Variants in DPYD observed in about 807,000 individuals in gnomAD.
The protein encoded by DPYD is dihydropyrimidine dehydrogenase [NADP(+)].
Under a neutral mutation model 116.2 loss-of-function variants are expected in DPYD, and 109 were observed. The ratio of observed to expected loss-of-function variants is 0.94; its 90% CI spans 0.80 to 1.10. The LOEUF (loss-of-function observed/expected upper bound fraction) is 1.10, where lower values mean the gene tolerates loss of function less well. Among genes scored for constraint, DPYD ranks in the 50% least tolerant of loss-of-function variants. DPYD has a pLI of 0.00. For missense variants in DPYD, 1,302 were observed against 1,254.5 expected (o/e 1.04, Z -0.57); for synonymous variants, 440 against 432.0 (o/e 1.02, Z -0.23).
At chr1:97,452,989 A>G (rs867848633) in intron 13 of DPYD, among the ~76,000 whole-genome samples, 1 of 152,124 alleles carries the variant, frequency 6.6e-6, no homozygotes, top group South Asian at 2.1e-4. Context: ...CTGCTAGTCC[A>G]TTTGTCTAGA....
intron 13 of DPYD, among the ~76,000 whole-genome samples, chr1:97,467,610 C>T (rs1002717258): frequency 5.3e-5 from 8 of 152,194 alleles, no homozygotes; most frequent in Admixed American, 2.0e-4. Context: ...ATGCTTCACT[C>T]TCTCTCGCTG....
chr1:97,216,972 C>T (rs1455210788), intron 19 of DPYD, among the ~76,000 whole-genome samples: 1 of 152,038 alleles, frequency 6.6e-6, no homozygotes, highest in Non-Finnish European at 1.5e-5. Flanking sequence ...CTTTGGGAGG[C>T]CGAGGTGAGT....
intron 3 of DPYD, among the ~76,000 whole-genome samples, chr1:97,781,732 T>A (rs1422642558): frequency 2.0e-5 from 3 of 152,210 alleles, no homozygotes; most frequent in Non-Finnish European, 4.4e-5. Context: ...TATTTACCTA[T>A]CTTCTAAAGA....
intron 5 of DPYD, among the ~76,000 whole-genome samples, chr1:97,717,063 G>C (rs1662656362): frequency 6.6e-6 from 1 of 151,960 alleles, no homozygotes; most frequent in Admixed American, 6.6e-5. Flanking sequence ...TCAAGCATTT[G>C]TCATTTATTT....
chr1:97,282,265 G>A (rs1479873222), intron 18 of DPYD, among the ~76,000 whole-genome samples: 1 of 151,950 alleles, frequency 6.6e-6, no homozygotes, highest in Non-Finnish European at 1.5e-5. Context: ...TATGAACACT[G>A]TTTCATATTC....
intron 20 of DPYD, among the ~76,000 whole-genome samples, chr1:97,124,286 G>C (rs1652668275): frequency 6.6e-6 from 1 of 151,892 alleles, no homozygotes; most frequent in South Asian, 2.1e-4. Context: ...ACAGATTTTA[G>C]TCCCTAATAA....
intron 13 of DPYD, among the ~76,000 whole-genome samples, chr1:97,511,703 G>T (rs1647814446): frequency 6.6e-6 from 1 of 151,882 alleles, no homozygotes; most frequent in Admixed American, 6.6e-5. Flanking sequence ...TTGCCTTAAA[G>T]ATGTAGTATA....
chr1:97,608,776 T>A (rs1655757517), intron 8 of DPYD, among the ~76,000 whole-genome samples: 1 of 151,828 alleles, frequency 6.6e-6, no homozygotes, highest in African/African-American at 2.4e-5. Context: ...AATACACATA[T>A]AAATGTATAT....
At chr1:97,081,337 A>T (rs1649133824) in intron 22 of DPYD, among the ~76,000 whole-genome samples, 1 of 152,046 alleles carries the variant, frequency 6.6e-6, no homozygotes, top group Non-Finnish European at 1.5e-5. Flanking sequence ...GAAAAATATA[A>T]TAAAAACAAT....
intron 3 of DPYD, among the ~76,000 whole-genome samples, chr1:97,808,079 T>C (rs975955286): frequency 3.3e-5 from 5 of 152,112 alleles, no homozygotes; most frequent in Admixed American, 2.6e-4. Context: ...TCCTTCAATA[T>C]ATGTTAGTTA....
At chr1:97,361,326 A>G (rs1670713409) in intron 16 of DPYD, among the ~76,000 whole-genome samples, 2 of 152,158 alleles carry the variant, frequency 1.3e-5, no homozygotes, top group Admixed American at 6.5e-5. Flanking sequence ...CCTACCAACC[A>G]AAAAAAGTCC....
At chr1:97,641,671 TC>T (rs1657914036) in intron 8 of DPYD, among the ~76,000 whole-genome samples, 4 of 152,248 alleles carry the variant, frequency 2.6e-5, no homozygotes, top group African/African-American at 7.2e-5. Context: ...CTGGAACCAT[TC>T]CCTTTGAAAA....
chr1:97,445,224 T>A (rs1215311642), intron 14 of DPYD, among the ~76,000 whole-genome samples: 1 of 152,192 alleles, frequency 6.6e-6, no homozygotes, highest in East Asian at 1.9e-4. Context: ...TTTCTCCTAA[T>A]AAGGGACTAC....
chr1:97,156,038 T>C (rs1156459764), intron 20 of DPYD, among the ~76,000 whole-genome samples: 1 of 152,200 alleles, frequency 6.6e-6, no homozygotes, highest in Non-Finnish European at 1.5e-5. Flanking sequence ...GGGTACCATG[T>C]TGTGAGTAGC....
intron 20 of DPYD, among the ~76,000 whole-genome samples, chr1:97,149,296 C>A (rs556209293): frequency 6.6e-6 from 1 of 152,102 alleles, no homozygotes; most frequent in African/African-American, 2.4e-5. Flanking sequence ...CTGTCACCCA[C>A]GCTGGAGTGC....
chr1:97,698,998 G>C (rs1661449481), intron 6 of DPYD, among the ~76,000 whole-genome samples: 1 of 151,830 alleles, frequency 6.6e-6, no homozygotes, highest in Non-Finnish European at 1.5e-5. Flanking sequence ...ATGGATCTAG[G>C]TTTTCCACAT....
intron 7 of DPYD, among the ~76,000 whole-genome samples, chr1:97,682,222 T>C (rs930538378): frequency 6.6e-6 from 1 of 151,994 alleles, no homozygotes; most frequent in Non-Finnish European, 1.5e-5. Flanking sequence ...CTTTCATGTA[T>C]GGAAAGCTGC....
intron 1 of DPYD, among the ~76,000 whole-genome samples, chr1:97,901,740 G>A (rs1673379980): frequency 6.6e-6 from 1 of 151,740 alleles, no homozygotes; most frequent in South Asian, 2.1e-4. Flanking sequence ...AACTGACAGT[G>A]AAATACAGCA....
At chr1:97,458,643 T>C (rs1362527640) in intron 13 of DPYD, among the ~76,000 whole-genome samples, 1 of 152,148 alleles carries the variant, frequency 6.6e-6, no homozygotes, top group Non-Finnish European at 1.5e-5. Flanking sequence ...CACATAAATA[T>C]AGGACCAAGA....
Sources: gnomAD v4.1 joint callset for allele counts (sites outside exome capture counted in the v4.1 genomes callset) on GRCh38, gnomAD v4.1.1 for gene constraint, MANE v1.5 for transcripts, NCBI Gene and HGNC (gene_info 2026-07-23, HGNC 2026-07-21) for gene names.